The following THSD4 variants were observed in gnomAD, a reference collection of about 807,000 sequenced individuals.
The protein encoded by THSD4 is thrombospondin type 1 domain containing 4, also known as thrombospondin type-1 domain-containing protein 4.
A neutral mutation model predicts 119.0 loss-of-function variants in THSD4; 69 were observed. That is an observed-to-expected ratio of 0.58 (90% CI 0.48 to 0.71). The LOEUF (loss-of-function observed/expected upper bound fraction) is 0.71, where lower values mean the gene tolerates loss of function less well. Among genes scored for constraint, THSD4 ranks in the 30% least tolerant of loss-of-function variants. THSD4 has a pLI of 0.00. For synonymous variants in THSD4, 524 were observed against 540.4 expected (o/e 0.97, Z 0.42); for missense variants, 1,393 against 1,391.1 (o/e 1.00, Z -0.02).
chr15:71,777,391 T>G lies in THSD4; in HGVS notation c.*17T>G, dbSNP rs544189886. The G allele has an allele frequency of 3.7e-6, 6 of 1,610,228 alleles. No homozygotes were observed. The East Asian group carries it at 6.7e-5, about 18-fold the overall frequency. ...AGCAGATAACACTCCTGCACCCCCA[T>G]CAGTAGGGCAGCATCACTGCCTTCC... On this transcript the variant is annotated 3_prime_UTR_variant, in exon 18 of 18. Transcript: ENST00000261862.
At chr15:71,379,356 C>T (rs1375316238) in intron 6 of THSD4, among the ~76,000 whole-genome samples, 5 of 151,736 alleles carry the variant, frequency 3.3e-5, no homozygotes, top group South Asian at 2.1e-4. Context: ...ACTTGTCCTT[C>T]GCCAGCCCTC....
intron 1 of THSD4, among the ~76,000 whole-genome samples, chr15:71,130,384 G>A (rs757517395): frequency 2.6e-5 from 4 of 152,008 alleles, no homozygotes; most frequent in South Asian, 2.1e-4. Context: ...ATGGAGTTTC[G>A]CCATGTTGTC....
At chr15:71,243,781 CT>C (rs34842560) in intron 5 of THSD4, among the ~76,000 whole-genome samples, 8,743 of 104,632 alleles carry the variant, frequency 0.084, 131 homozygotes, top group Middle Eastern at 0.13. Flanking sequence ...GTGCTCAGCA[CT>C]TTTTTTTTTT....
At chr15:71,136,714 C>A (rs2040555188) in intron 1 of THSD4, among the ~76,000 whole-genome samples, 1 of 152,016 alleles carries the variant, frequency 6.6e-6, no homozygotes, top group African/African-American at 2.4e-5. Flanking sequence ...TGGGGCCTTC[C>A]TGAACCCCGA....
chr15:71,452,378 G>T (rs1189362541), intron 7 of THSD4, among the ~76,000 whole-genome samples: 1 of 151,948 alleles, frequency 6.6e-6, no homozygotes, highest in Non-Finnish European at 1.5e-5. Flanking sequence ...TCTACCCTGG[G>T]CTGGGTATGG....
At chr15:71,647,438 G>C (rs2050992657) in intron 7 of THSD4, among the ~76,000 whole-genome samples, 1 of 152,088 alleles carries the variant, frequency 6.6e-6, no homozygotes, top group Non-Finnish European at 1.5e-5. Flanking sequence ...AAACATTTCA[G>C]CCAAATTTCT....
chr15:71,351,505 C>T (rs146296992), intron 6 of THSD4, among the ~76,000 whole-genome samples: 117 of 152,304 alleles, frequency 7.7e-4, no homozygotes, highest in African/African-American at 2.5e-3. Flanking sequence ...GGCCTTCCAC[C>T]TTGCTGCATC....
chr15:71,408,481 C>T (rs1431362412), intron 6 of THSD4, among the ~76,000 whole-genome samples: 1 of 152,160 alleles, frequency 6.6e-6, no homozygotes, highest in East Asian at 1.9e-4. Flanking sequence ...AATCCTCCTG[C>T]TTCAGCCTCC....
At chr15:71,760,228 C>T (rs1004353418) in intron 15 of THSD4, among the ~76,000 whole-genome samples, 12 of 152,140 alleles carry the variant, frequency 7.9e-5, no homozygotes, top group Admixed American at 1.3e-4. Flanking sequence ...TTCCCAAGGA[C>T]ATTTCATTTG....
intron 4 of THSD4, among the ~76,000 whole-genome samples, chr15:71,239,148 T>G (rs1458224181): frequency 6.6e-6 from 1 of 152,254 alleles, no homozygotes; most frequent in African/African-American, 2.4e-5. Flanking sequence ...TCATTTGCTC[T>G]TAAGTCATTT....
In THSD4 at chr15:71,595,345, G is replaced by T. The variant is rs537875623; in HGVS notation, c.1153-65185G>T. On this transcript the variant is annotated intron_variant, in intron 7 of 17. Transcript: ENST00000261862. The stretch of plus-strand genomic sequence containing the variant: ...GGGACCCGGCAGGAGGTAATTTAAT[G>T]ATGGGGGCTGGCCTTTTCCGTGCTG... 9.8e-5 allele frequency among the ~76,000 whole-genome samples: 15 copies of T among 152,314 alleles called. No homozygotes were observed. The Middle Eastern group carries it at 0.014, about 138-fold the overall frequency.
At chr15:71,183,589 A>G (rs1489411077) in intron 3 of THSD4, among the ~76,000 whole-genome samples, 1 of 151,722 alleles carries the variant, frequency 6.6e-6, no homozygotes, top group Non-Finnish European at 1.5e-5. Flanking sequence ...AATACTATAT[A>G]GGTGGTGGTG....
intron 2 of THSD4, among the ~76,000 whole-genome samples, chr15:71,149,476 T>G (rs2040698861): frequency 6.6e-6 from 1 of 152,096 alleles, no homozygotes; most frequent in Admixed American, 6.6e-5. Flanking sequence ...CTCGAACTTG[T>G]GACCTCAAGT....
rs145085566 is a variant in THSD4, at chr15:71,201,619, G to A, written c.100-13416G>A. Among the ~76,000 whole-genome samples, 216 of 152,322 alleles carry A rather than the reference G, an allele frequency of 1.4e-3. 1 individual carries two copies. Among genetic ancestry groups the A allele is most frequent in the African/African-American group, 5.0e-3 (207 of 41,560 alleles). On this transcript the variant is annotated intron_variant, in intron 3 of 17. Coordinates refer to ENST00000261862, the MANE Select transcript of THSD4 (RefSeq NM_024817.3). Reference sequence around the variant, plus strand: ...TCCTCTTCAGGGACTCCAGCCCCTCGTCTAGTTTCAACAACTGCTAGCTCA... The same window carrying A: ...TCCTCTTCAGGGACTCCAGCCCCTCATCTAGTTTCAACAACTGCTAGCTCA...
At chr15:71,754,033 A>C (rs1414964938) in intron 14 of THSD4, among the ~76,000 whole-genome samples, 1 of 151,926 alleles carries the variant, frequency 6.6e-6, no homozygotes, top group Non-Finnish European at 1.5e-5. Context: ...AAGTAGCCTA[A>C]GGGTTGGAAA....
chr15:71,679,831 A>G (rs2051737104), intron 8 of THSD4, among the ~76,000 whole-genome samples: 1 of 152,184 alleles, frequency 6.6e-6, no homozygotes, highest in East Asian at 1.9e-4. Flanking sequence ...CTGCTGTAAA[A>G]AGGCCTGGCC....
chr15:71,693,069 T>C (rs1473750488), intron 8 of THSD4, among the ~76,000 whole-genome samples: 3 of 152,108 alleles, frequency 2.0e-5, no homozygotes, highest in African/African-American at 7.2e-5. Context: ...GATAGGTTCG[T>C]TTGAAGATGA....
At chr15:71,484,858 T>G (rs932419076) in intron 7 of THSD4, among the ~76,000 whole-genome samples, 2 of 151,970 alleles carry the variant, frequency 1.3e-5, no homozygotes, top group Non-Finnish European at 2.9e-5. Flanking sequence ...TTAAAAGAGG[T>G]CAAGGACTTC....
intron 6 of THSD4, among the ~76,000 whole-genome samples, chr15:71,359,065 C>A (rs760284356): frequency 4.6e-5 from 7 of 152,194 alleles, no homozygotes; most frequent in Non-Finnish European, 1.0e-4. Flanking sequence ...TAATTTGGTA[C>A]AAGTTAACGT....
Sources: allele counts gnomAD v4.1 joint callset (sites outside exome capture counted in the v4.1 genomes callset), GRCh38; gene constraint gnomAD v4.1.1; transcripts MANE v1.5; gene names NCBI Gene and HGNC (gene_info 2026-07-23, HGNC 2026-07-21).